KGD4: variants seen among roughly 807,000 people sequenced by gnomAD.
KGD4 encodes alpha-ketoglutarate dehydrogenase subunit 4, also known as alpha-ketoglutarate dehydrogenase component 4.
At chr5:69,226,393 A>C in the KGD4 span, 2 of 1,600,416 alleles carry the variant, frequency 1.2e-6, no homozygotes, top group Non-Finnish European at 1.7e-6. Flanking sequence ...GACAATCCTA[A>C]ACCCAATGGT....
the KGD4 span, chr5:69,218,206 T>C: frequency 3.0e-6 from 1 of 338,430 alleles, no homozygotes; most frequent in South Asian, 5.1e-5. Context: ...GGCGGTAGCC[T>C]GGCCAATCGC....
chr5:69,220,696 AC>A, the KGD4 span, among the ~76,000 whole-genome samples: 2 of 152,324 alleles, frequency 1.3e-5, no homozygotes, highest in East Asian at 3.9e-4. Context: ...AGAGACAGCA[AC>A]CATCGAGAAC....
the KGD4 span, chr5:69,229,349 T>C: frequency 2.7e-6 from 2 of 739,026 alleles, no homozygotes; most frequent in East Asian, 2.9e-5. Context: ...AAATGAAATA[T>C]AGAAAATTTA....
the KGD4 span, among the ~76,000 whole-genome samples, chr5:69,223,796 C>T: frequency 6.6e-6 from 1 of 152,100 alleles, no homozygotes; most frequent in Admixed American, 6.5e-5. Context: ...CATGGTGGCT[C>T]ACGCCTGTAA....
chr5:69,218,017 G>A, the KGD4 span: 2 of 1,309,956 alleles, frequency 1.5e-6, no homozygotes, highest in East Asian at 4.9e-5. Context: ...GCGGGTGTGT[G>A]TGAGGATGGG....
chr5:69,218,011 G>A, the KGD4 span: 1 of 1,365,868 alleles, frequency 7.3e-7, no homozygotes, highest in African/African-American at 1.4e-5. Flanking sequence ...GCGCCCGCGG[G>A]TGTGTGTGAG....
chr5:69,220,226 C>CAAAA, the KGD4 span, among the ~76,000 whole-genome samples: 3 of 124,376 alleles, frequency 2.4e-5, no homozygotes, highest in African/African-American at 8.9e-5. Flanking sequence ...GACCCTGACT[C>CAAAA]AAAAAAAAAA....
At chr5:69,224,990 C>T in the KGD4 span, among the ~76,000 whole-genome samples, 1 of 150,526 alleles carries the variant, frequency 6.6e-6, no homozygotes. Context: ...AGGAGAATCG[C>T]TTGAACACAG....
At chr5:69,223,799 G>A in the KGD4 span, among the ~76,000 whole-genome samples, 8 of 152,076 alleles carry the variant, frequency 5.3e-5, no homozygotes, top group South Asian at 2.1e-4. Context: ...GGTGGCTCAC[G>A]CCTGTAATCC....
chr5:69,220,356 T>G, the KGD4 span, among the ~76,000 whole-genome samples: 22 of 151,840 alleles, frequency 1.4e-4, no homozygotes, highest in Admixed American at 1.3e-3. Context: ...TCTCAGAACA[T>G]TAAGTAAAGA....
the KGD4 span, among the ~76,000 whole-genome samples, chr5:69,218,569 AC>A: frequency 6.6e-6 from 1 of 151,800 alleles, no homozygotes; most frequent in African/African-American, 2.4e-5. Flanking sequence ...TTGTTAATCC[AC>A]CTATCAGCTA....
At chr5:69,227,931 G>A in the KGD4 span, among the ~76,000 whole-genome samples, 1 of 152,148 alleles carries the variant, frequency 6.6e-6, no homozygotes, top group Non-Finnish European at 1.5e-5. Context: ...ATCAGCCTGG[G>A]CAACAAAGCA....
the KGD4 span, among the ~76,000 whole-genome samples, chr5:69,222,822 T>C: frequency 6.6e-6 from 1 of 150,478 alleles, no homozygotes; most frequent in Non-Finnish European, 1.5e-5. Context: ...AGCCTCTCTC[T>C]GTCACTCAGG....
chr5:69,222,746 C>A, the KGD4 span, among the ~76,000 whole-genome samples: 1 of 151,530 alleles, frequency 6.6e-6, no homozygotes, highest in South Asian at 2.1e-4. Context: ...ATAGAACATT[C>A]TCTTAAGAAG....
At chr5:69,224,208 T>C in the KGD4 span, among the ~76,000 whole-genome samples, 1 of 151,792 alleles carries the variant, frequency 6.6e-6, no homozygotes, top group African/African-American at 2.4e-5. Context: ...CTGGGTAAAA[T>C]GGGGAAACTC....
the KGD4 span, chr5:69,218,013 G>A: frequency 7.3e-7 from 1 of 1,365,382 alleles, no homozygotes; most frequent in South Asian, 1.3e-5. Flanking sequence ...GCCCGCGGGT[G>A]TGTGTGAGGA....
At chr5:69,226,515 C>CT in the KGD4 span, 1 of 763,734 alleles carries the variant, frequency 1.3e-6, no homozygotes, top group Non-Finnish European at 2.1e-6. Flanking sequence ...ACTATTGTAG[C>CT]TTAGATCAAA....
the KGD4 span, chr5:69,217,785 G>T: frequency 3.1e-6 from 5 of 1,612,606 alleles, no homozygotes; most frequent in East Asian, 6.7e-5. Context: ...TCCAGTGATC[G>T]CCGCGGCTCG....
the KGD4 span, among the ~76,000 whole-genome samples, chr5:69,219,630 AG>A: frequency 2.0e-5 from 3 of 152,192 alleles, no homozygotes; most frequent in African/African-American, 7.2e-5. Flanking sequence ...CTTCTAACAT[AG>A]GAACAAAGAC....
Sources: gnomAD v4.1 joint callset for allele counts (sites outside exome capture counted in the v4.1 genomes callset) on GRCh38, gnomAD v4.1.1 for gene constraint, MANE v1.5 for transcripts, NCBI Gene and HGNC (gene_info 2026-07-23, HGNC 2026-07-21) for gene names.